The following GRIK1 variants were observed in gnomAD, a reference collection of about 807,000 sequenced individuals.
The protein encoded by GRIK1 is glutamate ionotropic receptor kainate type subunit 1.
A neutral mutation model predicts 105.7 loss-of-function variants in GRIK1; 69 were observed. The observed-to-expected ratio is 0.65, with a 90% confidence interval of 0.54 to 0.80. GRIK1 has a LOEUF of 0.80. Among genes scored for constraint, GRIK1 ranks in the 30% least tolerant of loss-of-function variants. The pLI, the probability that GRIK1 is intolerant of heterozygous loss-of-function variation, is 0.00. For missense variants in GRIK1, 1,109 were observed against 1,167.3 expected, an observed-to-expected ratio of 0.95 and a Z score of 0.73; for synonymous variants, 438 against 431.3, an observed-to-expected ratio of 1.02 and a Z score of -0.19.
intron 6 of GRIK1, among the ~76,000 whole-genome samples, chr21:29,648,405 A>G (rs1201446017): frequency 6.6e-6 from 1 of 152,244 alleles, no homozygotes; most frequent in Non-Finnish European, 1.5e-5. Flanking sequence ...GCACATTCAC[A>G]TATATCTTGT....
At chr21:29,636,410 C>T (rs1370009477) in intron 7 of GRIK1, among the ~76,000 whole-genome samples, 1 of 152,176 alleles carries the variant, frequency 6.6e-6, no homozygotes. Context: ...ATAGAATTGG[C>T]TTTGCTGTTT....
At chr21:29,918,316 C>T (rs912143249) in intron 1 of GRIK1, among the ~76,000 whole-genome samples, 3 of 152,048 alleles carry the variant, frequency 2.0e-5, no homozygotes, top group South Asian at 2.1e-4. Context: ...CTGTACTAAT[C>T]GCTTTTCATA....
intron 1 of GRIK1, among the ~76,000 whole-genome samples, chr21:29,774,617 A>G (rs1057413874): frequency 6.6e-6 from 1 of 151,956 alleles, no homozygotes; most frequent in African/African-American, 2.4e-5. Context: ...ATGACTGGCT[A>G]ATTTTTGTAT....
intron 1 of GRIK1, among the ~76,000 whole-genome samples, chr21:29,848,779 A>ATATATATATATATATTTTTT: frequency 1.2e-4 from 9 of 77,862 alleles, no homozygotes; most frequent in African/African-American, 5.3e-4. Flanking sequence ...ATATATATAT[A>ATATATATATATATATTTTTT]TTTTTTTTTT....
intron 6 of GRIK1, 89 bp downstream of exon 6, chr21:29,651,029 T>C (rs1362002321): frequency 6.1e-6 from 6 of 985,598 alleles, no homozygotes; most frequent in Non-Finnish European, 8.7e-6. Context: ...ACTGTAACAC[T>C]TTTCTCTAAT....
At chr21:29,701,079 T>TTA (rs921950372) in intron 1 of GRIK1, among the ~76,000 whole-genome samples, 8 of 152,158 alleles carry the variant, frequency 5.3e-5, no homozygotes, top group Admixed American at 1.3e-4. Flanking sequence ...CAATTCATGG[T>TTA]TATATATATT....
rs765525820 is a variant in GRIK1 at position 29,561,800 on chromosome 21, C to T, written c.2180G>A (p.Arg727Lys). 6.2e-7 allele frequency: 1 copy of T among 1,614,092 alleles called. No individual in the cohort carries two copies. The highest frequency in any genetic ancestry group is 8.5e-7 in the Non-Finnish European group (1 of 1,179,960). The change falls in exon 15 of 18, where the codon AGG becomes AAG. Residue 727 changes from arginine to lysine, a missense_variant. Coordinates refer to ENST00000327783, the MANE Select transcript of GRIK1 (RefSeq NM_001330994.2). The part of the protein sequence containing the change: ...YEKMWAFMSS[R>K]QQTALVRNSD... ...GTTTCTTACCAGGGCGGTCTGCTGC[C>T]TGCTGCTCATGAAAGCCCACATCTT...
chr21:29,783,389 G>T (rs1300733870), intron 1 of GRIK1, among the ~76,000 whole-genome samples: 1 of 151,968 alleles, frequency 6.6e-6, no homozygotes, highest in East Asian at 1.9e-4. Flanking sequence ...CATATATTTT[G>T]CAGGTTTTTT....
At chr21:29,817,955 G>A (rs76401234) in intron 1 of GRIK1, among the ~76,000 whole-genome samples, 2 of 152,108 alleles carry the variant, frequency 1.3e-5, no homozygotes, top group South Asian at 2.1e-4. Context: ...GGTTAGGCAC[G>A]ATTATTCCTA....
intron 1 of GRIK1, among the ~76,000 whole-genome samples, chr21:29,852,538 A>G (rs1375503586): frequency 2.0e-5 from 3 of 152,136 alleles, no homozygotes; most frequent in Non-Finnish European, 4.4e-5. Context: ...ACTGGAAGAT[A>G]CTCGAGTGCA....
Position 29,892,708 on chromosome 21 carries a change from T to C in GRIK1, c.118+46675A>G, listed in dbSNP as rs67325911. On this transcript the variant is annotated intron_variant, in intron 1 of 17. Transcript: ENST00000327783. ...GCTCCCTTAAGCCCTTAGGTCTCTA[T>C]GCCCTTAGAGAAATCAGGATGAGTT... Among the ~76,000 whole-genome samples the C allele has an allele frequency of 5.3e-3, 800 of 152,368 alleles. 4 individuals carry two copies. The highest frequency in any genetic ancestry group is 8.0e-3 in the Non-Finnish European group (542 of 68,042).
At chr21:29,806,313 C>T (rs2066862894) in intron 1 of GRIK1, among the ~76,000 whole-genome samples, 1 of 151,934 alleles carries the variant, frequency 6.6e-6, no homozygotes, top group Non-Finnish European at 1.5e-5. Flanking sequence ...ACCAGCGAAT[C>T]AGTCAGCCAA....
chr21:29,879,731 T>A (rs464444), intron 1 of GRIK1, among the ~76,000 whole-genome samples: 25,460 of 152,104 alleles, frequency 0.17, 2,322 homozygotes, highest in East Asian at 0.35. Flanking sequence ...ACGGTAGCTC[T>A]TTAAGGAGCT....
intron 9 of GRIK1, among the ~76,000 whole-genome samples, chr21:29,595,889 A>T (rs3026025): frequency 0.033 from 5,044 of 152,272 alleles, 128 homozygotes; most frequent in Non-Finnish European, 0.05. Flanking sequence ...ATAAACTATA[A>T]AATAGTGGGT....
intron 7 of GRIK1, among the ~76,000 whole-genome samples, chr21:29,621,152 A>G (rs1282496839): frequency 6.6e-6 from 1 of 152,174 alleles, no homozygotes; most frequent in African/African-American, 2.4e-5. Context: ...CAGCCTTCAA[A>G]TTAAGAGAAG....
chr21:29,649,180 TA>T (rs1363593012), intron 6 of GRIK1, among the ~76,000 whole-genome samples: 1 of 152,028 alleles, frequency 6.6e-6, no homozygotes, highest in African/African-American at 2.4e-5. Context: ...ACTCTTTGGA[TA>T]AAAAAAGGTA....
intron 1 of GRIK1, among the ~76,000 whole-genome samples, chr21:29,896,080 T>A (rs1269361053): frequency 6.6e-6 from 1 of 152,216 alleles, no homozygotes; most frequent in African/African-American, 2.4e-5. Flanking sequence ...TAAACTGATA[T>A]TCTATCCTAT....
At chr21:29,589,602 T>A (rs899099518) in intron 10 of GRIK1, among the ~76,000 whole-genome samples, 4 of 151,938 alleles carry the variant, frequency 2.6e-5, no homozygotes, top group African/African-American at 9.7e-5. Flanking sequence ...TTTGTATTTT[T>A]TTTTAGTAGA....
intron 7 of GRIK1, among the ~76,000 whole-genome samples, chr21:29,606,367 A>T (rs2061616270): frequency 6.6e-6 from 1 of 152,166 alleles, no homozygotes; most frequent in Non-Finnish European, 1.5e-5. Flanking sequence ...GGTTTGCCAC[A>T]CATATCCACC....
Sources: allele counts gnomAD v4.1 joint callset (sites outside exome capture counted in the v4.1 genomes callset), GRCh38; gene constraint gnomAD v4.1.1; transcripts MANE v1.5; gene names NCBI Gene and HGNC (gene_info 2026-07-23, HGNC 2026-07-21).